Variants in HECW1 observed in about 807,000 individuals in gnomAD.
The protein encoded by HECW1 is HECT, C2 and WW domain containing E3 ubiquitin protein ligase 1.
In HECW1, 61 loss-of-function variants were observed where a neutral mutation model predicts 182.3. The ratio of observed to expected loss-of-function variants is 0.33; its 90% CI spans 0.27 to 0.41. HECW1 has a LOEUF of 0.41. Ranked by LOEUF, HECW1 falls within the 10% of genes least tolerant of loss-of-function variation. HECW1 has a pLI of 1.00. For synonymous variants in HECW1, 859 were observed against 832.6 expected (o/e 1.03, Z -0.55); for missense variants, 1,739 against 2,108.9 (o/e 0.82, Z 3.44).
At chr7:43,429,274 T>TCCATA (rs1444566417) in intron 8 of HECW1, among the ~76,000 whole-genome samples, 14 of 142,094 alleles carry the variant, frequency 9.9e-5, no homozygotes, top group Non-Finnish European at 2.0e-4. Context: ...ATATAAACTT[T>TCCATA]CCATATATTA....
intron 24 of HECW1, among the ~76,000 whole-genome samples, chr7:43,515,456 T>G (rs1364677418): frequency 1.3e-5 from 2 of 152,120 alleles, no homozygotes; most frequent in African/African-American, 4.8e-5. Flanking sequence ...AGAATCAAAA[T>G]AGGGCAGAAG....
intron 3 of HECW1, among the ~76,000 whole-genome samples, chr7:43,298,260 T>G (rs1330080041): frequency 6.6e-6 from 1 of 152,192 alleles, no homozygotes; most frequent in African/African-American, 2.4e-5. Flanking sequence ...GAAAACTCCA[T>G]AGAATATTTG....
chr7:43,535,140 C>T (rs980978841), intron 24 of HECW1, among the ~76,000 whole-genome samples: 1 of 152,204 alleles, frequency 6.6e-6, no homozygotes, highest in Non-Finnish European at 1.5e-5. Context: ...CAGCACATTG[C>T]CTTCCTTGAA....
chr7:43,364,917 C>A (rs1816427895), intron 6 of HECW1, among the ~76,000 whole-genome samples: 1 of 152,198 alleles, frequency 6.6e-6, no homozygotes, highest in Non-Finnish European at 1.5e-5. Flanking sequence ...CTTAAATAAG[C>A]CCCATGATAT....
intron 29 of HECW1, among the ~76,000 whole-genome samples, chr7:43,561,170 C>G (rs1416050651): frequency 6.6e-6 from 1 of 152,190 alleles, no homozygotes; most frequent in East Asian, 1.9e-4. Context: ...AGACACTGGC[C>G]ATGCAGGAGG....
chr7:43,354,337 A>G (rs551519298), intron 5 of HECW1, among the ~76,000 whole-genome samples: 11 of 152,324 alleles, frequency 7.2e-5, no homozygotes, highest in South Asian at 6.2e-4. Context: ...ATTGACCCCA[A>G]TGAGACAGCA....
intron 26 of HECW1, 151 bp downstream of exon 26, chr7:43,542,149 T>C: frequency 3.2e-6 from 2 of 617,826 alleles, no homozygotes; most frequent in East Asian, 7.2e-5. Context: ...CAGAACTTTT[T>C]CATCTTGCAA....
At chr7:43,548,155 T>C (rs2081640101) in intron 26 of HECW1, among the ~76,000 whole-genome samples, 1 of 152,246 alleles carries the variant, frequency 6.6e-6, no homozygotes, top group Non-Finnish European at 1.5e-5. Flanking sequence ...TTTTAACTTT[T>C]TAATAATAGA....
Position 43,564,993 on chromosome 7 carries a change from G to A in HECW1, c.*3067G>A, listed in dbSNP as rs936613159. On this transcript the variant is annotated 3_prime_UTR_variant, in exon 30 of 30. Coordinates refer to ENST00000395891, the MANE Select transcript of HECW1 (RefSeq NM_015052.5). ...CAATTGATTTTAGTAAGAGTGTAACGCCTTTAATCAGGGGACAAACAAGAA... is the reference window on the plus strand; with the variant it reads ...CAATTGATTTTAGTAAGAGTGTAACACCTTTAATCAGGGGACAAACAAGAA... The A allele has an allele frequency of 3.8e-5, 7 of 186,402 alleles. No individual in the cohort carries two copies. The highest frequency in any genetic ancestry group is 1.7e-4 in the East Asian group (2 of 11,584). The allele number at this position is 186,402 out of a possible 1,614,324, so 11.5% of individuals were successfully genotyped here.
intron 6 of HECW1, among the ~76,000 whole-genome samples, chr7:43,366,736 G>T (rs2152816681): frequency 6.6e-6 from 1 of 152,132 alleles, no homozygotes; most frequent in East Asian, 1.9e-4. Flanking sequence ...GTTGCCAAAG[G>T]ATCCCCTTCA....
chr7:43,144,900 A>G (rs1238141616), intron 2 of HECW1, among the ~76,000 whole-genome samples: 3 of 152,224 alleles, frequency 2.0e-5, no homozygotes, highest in South Asian at 2.1e-4. Context: ...AGCAAAATCT[A>G]TCAACCTTTT....
chr7:43,363,736 A>G (rs1305954201), intron 6 of HECW1, among the ~76,000 whole-genome samples: 1 of 152,158 alleles, frequency 6.6e-6, no homozygotes, highest in Non-Finnish European at 1.5e-5. Context: ...CCTTTGTTTG[A>G]TGGCGTGGCA....
Position 43,541,182 on chromosome 7 carries a change from A to G in HECW1, c.4039A>G (p.Ile1347Val). 1 of 1,614,158 alleles carries G rather than the reference A, an allele frequency of 6.2e-7. No homozygotes were observed. Among genetic ancestry groups the G allele is most frequent in the Non-Finnish European group, 8.5e-7 (1 of 1,179,980 alleles). Reference sequence around the variant, plus strand: ...TTCCAGGTTCAGGTTTAGCGGTCGCATCCTGGGTCTGGCTCTGATCCATCA... The same window carrying G: ...TTCCAGGTTCAGGTTTAGCGGTCGCGTCCTGGGTCTGGCTCTGATCCATCA... ...HLEWFRFSGR[I>V]LGLALIHQYL... The change falls in exon 25 of 30, where the codon ATC becomes GTC. Residue 1347 changes from isoleucine to valine, a missense_variant. Ile to Val is a conservative substitution (Grantham distance 29). Transcript: ENST00000395891.
rs762799118 is a variant in HECW1, at chr7:43,550,570, G to A, written c.4374G>A (p.Ala1458=). The change falls in exon 27 of 30, where the codon GCG becomes GCA. Residue 1458 remains alanine (A), a synonymous_variant. Coordinates refer to ENST00000395891, the MANE Select transcript of HECW1 (RefSeq NM_015052.5). ...VERGVVQQTE[A]LVRGFYEVVD... ...GCGGCGTGGTACAGCAGACCGAGGC[G>A]CTGGTGCGCGGCTTCTACGAGGTGA... 9.3e-6 allele frequency: 15 copies of A among 1,606,792 alleles called. No homozygotes were observed. In the East Asian group the frequency reaches 1.1e-4, roughly 12 times the overall value.
At chr7:43,316,256 T>C (rs913394878) in intron 4 of HECW1, among the ~76,000 whole-genome samples, 28 of 152,182 alleles carry the variant, frequency 1.8e-4, no homozygotes, top group Admixed American at 7.2e-4. Flanking sequence ...GAAAATGTAA[T>C]CTTTTCCTGA....
chr7:43,154,677 G>C (rs1789690488), intron 2 of HECW1, among the ~76,000 whole-genome samples: 2 of 152,104 alleles, frequency 1.3e-5, no homozygotes, highest in Admixed American at 1.3e-4. Flanking sequence ...TTTCAAGAAA[G>C]CCCTGTATTC....
At chr7:43,390,620 G>A (rs1364299916) in intron 6 of HECW1, among the ~76,000 whole-genome samples, 1 of 151,852 alleles carries the variant, frequency 6.6e-6, no homozygotes, top group East Asian at 1.9e-4. Flanking sequence ...CAAGCAGCCA[G>A]GCTAGATCTG....
intron 8 of HECW1, among the ~76,000 whole-genome samples, chr7:43,437,705 TATG>T (rs2076756063): frequency 1.3e-5 from 2 of 152,224 alleles, no homozygotes; most frequent in South Asian, 4.1e-4. Flanking sequence ...TTTCTTAAAG[TATG>T]ATAATACCTT....
Position 43,243,522 on chromosome 7 carries a change from C to A in HECW1, c.-31-353C>A, listed in dbSNP as rs1189948823. On this transcript the variant is annotated intron_variant, in intron 2 of 29. Transcript: ENST00000395891. This position sits in a 1 kb window ranked among gnomAD's most constrained non-coding sequence, Gnocchi z 4.0. ...CATATGTGAGGATGCTTTTCGCTGG[C>A]CTTCTCAGACGGCTGGGAGAGCAGA... Among the ~76,000 whole-genome samples the A allele has an allele frequency of 1.3e-5, 2 of 152,046 alleles. No homozygotes were observed. The highest frequency in any genetic ancestry group is 6.6e-5 in the Admixed American group (1 of 15,266).
Sources: allele counts gnomAD v4.1 joint callset (sites outside exome capture counted in the v4.1 genomes callset), GRCh38; gene constraint gnomAD v4.1.1; non-coding constraint Gnocchi (gnomAD v3.1); transcripts MANE v1.5; gene names NCBI Gene and HGNC (gene_info 2026-07-23, HGNC 2026-07-21).